The following CDC45 variants were observed in gnomAD, a reference collection of about 807,000 sequenced individuals.
CDC45 encodes cell division cycle 45.
In CDC45, 54 loss-of-function variants were observed where a neutral mutation model predicts 77.8. The ratio of observed to expected loss-of-function variants is 0.69; its 90% CI spans 0.56 to 0.87. The LOEUF (loss-of-function observed/expected upper bound fraction) is 0.87. CDC45 is among the 40% of genes least tolerant of loss of function. The probability of loss-of-function intolerance (pLI) is 0.00; values close to 1 mark genes in which losing one functional copy is unlikely to be tolerated. For missense variants in CDC45, 649 were observed against 721.6 expected (o/e 0.90, Z 1.15); for synonymous variants, 260 against 272.1 (o/e 0.96, Z 0.44).
chr22:19,516,909 C>T lies in CDC45; in HGVS notation c.1636+16C>T, dbSNP rs1568938475. The T allele has an allele frequency of 2.5e-6, 4 of 1,595,140 alleles. No homozygotes were observed. In the Admixed American group the frequency reaches 6.7e-5, roughly 27 times the overall value. ...GACCTCTCAGGTGAGAGTCTCCTGC[C>T]ACTCTGCCACACTTTCCCACCTGAC... is the stretch of plus-strand genomic sequence containing the variant. On this transcript the variant is annotated intron_variant, in intron 17 of 18. Coordinates refer to ENST00000263201, the MANE Select transcript of CDC45 (RefSeq NM_003504.5).
intron 5 of CDC45, among the ~76,000 whole-genome samples, chr22:19,488,540 G>T (rs921764633): frequency 6.6e-6 from 1 of 152,132 alleles, no homozygotes; most frequent in Non-Finnish European, 1.5e-5. Flanking sequence ...TGGCTCTCCC[G>T]ACCAGCCTTG....
intron 13 of CDC45, among the ~76,000 whole-genome samples, chr22:19,510,095 G>A (rs1933430467): frequency 6.6e-6 from 1 of 152,104 alleles, no homozygotes; most frequent in African/African-American, 2.4e-5. Flanking sequence ...TTGAGTAGCT[G>A]GGACAACAGG....
chr22:19,501,320 A>G (rs573322249), intron 9 of CDC45, among the ~76,000 whole-genome samples: 1 of 152,330 alleles, frequency 6.6e-6, no homozygotes, highest in South Asian at 2.1e-4. Context: ...ACTGGGCTCC[A>G]TTGAAATATG....
chr22:19,500,156 A>G (rs897960775), intron 9 of CDC45, among the ~76,000 whole-genome samples: 1 of 152,208 alleles, frequency 6.6e-6, no homozygotes, highest in Admixed American at 6.5e-5. Context: ...ACCATGGTGT[A>G]TGCACTGATA....
chr22:19,495,838 C>A (rs927958160), intron 6 of CDC45, 143 bp from the exon 7 acceptor site: 1 of 718,080 alleles, frequency 1.4e-6, no homozygotes, highest in Non-Finnish European at 2.5e-6. Flanking sequence ...AAAGAAAAAA[C>A]CAAGAGTCAA....
intron 13 of CDC45, 35 bp from the exon 14 acceptor site, chr22:19,514,714 A>G (rs756732025): frequency 1.3e-6 from 2 of 1,543,176 alleles, no homozygotes; most frequent in Non-Finnish European, 1.8e-6. Flanking sequence ...GTTCCTGACA[A>G]GCACCACCAA....
intron 9 of CDC45, among the ~76,000 whole-genome samples, chr22:19,501,674 TGA>T (rs1932906468): frequency 6.6e-6 from 1 of 152,222 alleles, no homozygotes; most frequent in African/African-American, 2.4e-5. Context: ...TTATGAAAAC[TGA>T]GAGACAAAAC....
intron 12 of CDC45, 69 bp from the exon 13 acceptor site, chr22:19,508,461 G>T (rs957170554): frequency 9.7e-6 from 15 of 1,539,502 alleles, no homozygotes; most frequent in Non-Finnish European, 1.3e-5. Flanking sequence ...TAGCACATCT[G>T]TTGGCCTGCC....
chr22:19,481,213 T>C (rs911906550), intron 3 of CDC45, among the ~76,000 whole-genome samples, 168 bp downstream of exon 3: 6 of 152,092 alleles, frequency 3.9e-5, no homozygotes, highest in African/African-American at 1.4e-4. Context: ...CACGCCCAAG[T>C]TGTAGAAGCA....
chr22:19,479,847 T>G (rs1601912080), upstream of CDC45: 4 of 963,602 alleles, frequency 4.2e-6, no homozygotes, highest in East Asian at 9.6e-5. Flanking sequence ...GGCTGGGAAC[T>G]AAGAAGCTAT....
intron 3 of CDC45, 26 bp from the exon 4 acceptor site, chr22:19,482,664 C>T (rs559088861): frequency 1.2e-6 from 2 of 1,610,166 alleles, no homozygotes; most frequent in East Asian, 2.2e-5. Context: ...GATATAGCTA[C>T]TTTACAATAT....
chr22:19,516,400 G>T, intron 15 of CDC45, 127 bp from the exon 16 acceptor site: 3 of 764,742 alleles, frequency 3.9e-6, no homozygotes, highest in Admixed American at 4.0e-5. Flanking sequence ...GGACCAAGGC[G>T]TCTCCTGGTG....
intron 15 of CDC45, 60 bp from the exon 16 acceptor site, chr22:19,516,467 C>A: frequency 7.3e-7 from 1 of 1,374,608 alleles, no homozygotes; most frequent in Non-Finnish European, 1.0e-6. Context: ...GGGCTCTGGG[C>A]TCTGAGTGTT....
Position 19,481,153 on chromosome 22 carries a change from C to T in CDC45, c.204+108C>T, listed in dbSNP as rs949368457. 5.8e-6 allele frequency: 4 copies of T among 688,336 alleles called. No homozygotes were observed. In the Admixed American group the frequency reaches 1.1e-4, roughly 18 times the overall value. The allele number at this position is 688,336 out of a possible 1,614,324, so 42.6% of individuals were successfully genotyped here. Reference sequence around the variant, plus strand: ...TAAGCGTGTATTTAAGTATCAGCTACATTAGGCAATATGGAAGAGAAAAAC... The same window carrying T: ...TAAGCGTGTATTTAAGTATCAGCTATATTAGGCAATATGGAAGAGAAAAAC... On this transcript the variant is annotated intron_variant, in intron 3 of 18. Transcript: ENST00000263201.
At chr22:19,508,108 A>AG (rs747825236) in intron 12 of CDC45, among the ~76,000 whole-genome samples, 15 of 152,102 alleles carry the variant, frequency 9.9e-5, no homozygotes, top group African/African-American at 1.7e-4. Context: ...TTAGGATCCT[A>AG]GGATCCTTGG....
intron 5 of CDC45, among the ~76,000 whole-genome samples, chr22:19,486,877 C>T (rs202127565): frequency 6.6e-6 from 1 of 152,058 alleles, no homozygotes; most frequent in African/African-American, 2.4e-5. Flanking sequence ...GGGGTTTCAC[C>T]GTGTTAGCCA....
At chr22:19,519,977 C>A (rs890220519) in intron 18 of CDC45, among the ~76,000 whole-genome samples, 1 of 152,258 alleles carries the variant, frequency 6.6e-6, no homozygotes, top group African/African-American at 2.4e-5. Context: ...GGCCCACTCT[C>A]TCCTTAGACG....
chr22:19,497,861 G>C (rs566669788), intron 8 of CDC45, among the ~76,000 whole-genome samples: 5 of 152,076 alleles, frequency 3.3e-5, no homozygotes, highest in Non-Finnish European at 7.4e-5. Flanking sequence ...GCAGGAGTTT[G>C]AGACTAGCCT....
At chr22:19,513,629 A>T (rs1933631021) in intron 13 of CDC45, among the ~76,000 whole-genome samples, 1 of 152,096 alleles carries the variant, frequency 6.6e-6, no homozygotes, top group South Asian at 2.1e-4. Flanking sequence ...TGTGCCTCTT[A>T]GTTTAGTCCA....
Sources: allele counts gnomAD v4.1 joint callset (sites outside exome capture counted in the v4.1 genomes callset), GRCh38; gene constraint gnomAD v4.1.1; transcripts MANE v1.5; gene names NCBI Gene and HGNC (gene_info 2026-07-23, HGNC 2026-07-21).